Variants in HPSE2 observed in about 807,000 individuals in gnomAD.
The protein encoded by HPSE2 is heparanase 2 (inactive).
Under a neutral mutation model 60.5 loss-of-function variants are expected in HPSE2, and 38 were observed. That is an observed-to-expected ratio of 0.63 (90% CI 0.48 to 0.82). The LOEUF (loss-of-function observed/expected upper bound fraction) is 0.82. Among genes scored for constraint, HPSE2 ranks in the 40% least tolerant of loss-of-function variants. The probability of loss-of-function intolerance (pLI) is 0.00; values close to 1 mark genes in which losing one functional copy is unlikely to be tolerated. For missense variants in HPSE2, 713 were observed against 740.4 expected, an observed-to-expected ratio of 0.96 and a Z score of 0.43; for synonymous variants, 295 against 293.2, an observed-to-expected ratio of 1.01 and a Z score of -0.06.
chr10:98,780,416 A>G (rs992772944), intron 3 of HPSE2, among the ~76,000 whole-genome samples: 1 of 152,190 alleles, frequency 6.6e-6, no homozygotes, highest in African/African-American at 2.4e-5. Flanking sequence ...TCTTTGTTAT[A>G]ACTTTTAAGT....
intron 9 of HPSE2, among the ~76,000 whole-genome samples, chr10:98,544,515 C>G (rs1342937488): frequency 1.3e-5 from 2 of 151,666 alleles, no homozygotes; most frequent in Non-Finnish European, 2.9e-5. Context: ...TCGAGACCAT[C>G]CTGGCTAACA....
At chr10:99,071,946 G>A (rs1842803662) in intron 3 of HPSE2, among the ~76,000 whole-genome samples, 1 of 151,390 alleles carries the variant, frequency 6.6e-6, no homozygotes, top group African/African-American at 2.4e-5. Flanking sequence ...CTGTATGCCA[G>A]TACCATACTG....
intron 9 of HPSE2, among the ~76,000 whole-genome samples, chr10:98,548,616 CAA>C (rs71007398): frequency 1.1e-3 from 155 of 139,998 alleles, no homozygotes; most frequent in Non-Finnish European, 1.0e-3. Flanking sequence ...GACTCCATCT[CAA>C]AAAAAAAAAA....
At chr10:99,158,316 C>T (rs1201519845) in intron 2 of HPSE2, among the ~76,000 whole-genome samples, 11 of 110,962 alleles carry the variant, frequency 9.9e-5, no homozygotes, top group African/African-American at 2.1e-4. Context: ...ATGTTTATTG[C>T]GGCATTATTC....
At chr10:99,041,512 G>A (rs895871642) in intron 3 of HPSE2, among the ~76,000 whole-genome samples, 3 of 152,070 alleles carry the variant, frequency 2.0e-5, no homozygotes, top group Non-Finnish European at 4.4e-5. Context: ...ACAGAGAGCT[G>A]CCTGGAGTCT....
chr10:98,596,393 T>C (rs1945239679), intron 9 of HPSE2, among the ~76,000 whole-genome samples: 1 of 152,174 alleles, frequency 6.6e-6, no homozygotes, highest in South Asian at 2.1e-4. Context: ...ATTACAGTAT[T>C]AAAGTATTCT....
At chr10:99,305,979 G>GCGCGCACGCACACACACACACA in the HPSE2 span, among the ~76,000 whole-genome samples, 1 of 80,580 alleles carries the variant, frequency 1.2e-5, no homozygotes, top group African/African-American at 5.4e-5. Context: ...GCGCGCGCGC[G>GCGCGCACGCACACACACACACA]CACACACACA....
intron 3 of HPSE2, among the ~76,000 whole-genome samples, chr10:99,036,788 GT>G (rs1427637978): frequency 6.6e-6 from 1 of 152,092 alleles, no homozygotes; most frequent in African/African-American, 2.4e-5. Flanking sequence ...TACTATGGTG[GT>G]TTTAACATAT....
chr10:99,186,684 T>A (rs941900317), intron 2 of HPSE2, among the ~76,000 whole-genome samples: 1 of 151,824 alleles, frequency 6.6e-6, no homozygotes, highest in African/African-American at 2.4e-5. Context: ...AAAAAATCCT[T>A]CAAAAATGAA....
chr10:99,215,844 A>T (rs1433414473), intron 2 of HPSE2, among the ~76,000 whole-genome samples: 1 of 152,224 alleles, frequency 6.6e-6, no homozygotes, highest in Non-Finnish European at 1.5e-5. Flanking sequence ...CACAGCTCTA[A>T]CTATAATAGA....
intron 3 of HPSE2, among the ~76,000 whole-genome samples, chr10:98,829,805 C>T (rs758928917): frequency 5.3e-5 from 8 of 152,066 alleles, no homozygotes; most frequent in South Asian, 4.2e-4. Context: ...AAATTTTTAA[C>T]CTCTCACTTT....
intron 9 of HPSE2, among the ~76,000 whole-genome samples, chr10:98,559,492 C>T (rs1944110023): frequency 6.6e-6 from 1 of 152,218 alleles, no homozygotes; most frequent in African/African-American, 2.4e-5. Context: ...CTGAAGGCTT[C>T]TCTCCTGACC....
At chr10:98,814,264 A>G (rs193197618) in intron 3 of HPSE2, among the ~76,000 whole-genome samples, 1 of 152,282 alleles carries the variant, frequency 6.6e-6, no homozygotes, top group East Asian at 1.9e-4. Context: ...TGTGACTAAT[A>G]TATTGAAATA....
chr10:99,259,501 G>A, the HPSE2 span, among the ~76,000 whole-genome samples: 1 of 152,064 alleles, frequency 6.6e-6, no homozygotes, highest in Admixed American at 6.6e-5. Context: ...TGCCAAAGAA[G>A]ATACATGAAT....
chr10:98,822,855 A>G (rs1401914611), intron 3 of HPSE2, among the ~76,000 whole-genome samples: 1 of 152,228 alleles, frequency 6.6e-6, no homozygotes, highest in African/African-American at 2.4e-5. Context: ...AAATGTTTAC[A>G]TCCTAATCCC....
chr10:98,997,633 A>C (rs1956679517), intron 3 of HPSE2, among the ~76,000 whole-genome samples: 1 of 152,254 alleles, frequency 6.6e-6, no homozygotes, highest in Non-Finnish European at 1.5e-5. Context: ...TTAAGAATAT[A>C]CAAATAGCCC....
intron 3 of HPSE2, among the ~76,000 whole-genome samples, chr10:98,868,758 T>C (rs1952657629): frequency 6.6e-6 from 1 of 152,184 alleles, no homozygotes. Context: ...AAGTACTACC[T>C]TAGCAGTATC....
chr10:98,789,496 C>T (rs558749187), intron 3 of HPSE2, among the ~76,000 whole-genome samples: 67 of 152,306 alleles, frequency 4.4e-4, no homozygotes, highest in Non-Finnish European at 8.8e-4. Flanking sequence ...CTGGAAATAC[C>T]TCAGCCAAAC....
intron 3 of HPSE2, among the ~76,000 whole-genome samples, chr10:98,892,690 T>G (rs1953370083): frequency 1.3e-5 from 2 of 152,208 alleles, no homozygotes; most frequent in Admixed American, 1.3e-4. Context: ...CATCAACAAG[T>G]TAACTGTCTG....
Sources: gnomAD v4.1 joint callset for allele counts (sites outside exome capture counted in the v4.1 genomes callset) on GRCh38, gnomAD v4.1.1 for gene constraint, MANE v1.5 for transcripts, NCBI Gene and HGNC (gene_info 2026-07-23, HGNC 2026-07-21) for gene names.